The following CADPS variants were observed in gnomAD, a reference collection of about 807,000 sequenced individuals.
CADPS encodes calcium dependent secretion activator, also known as calcium-dependent secretion activator 1.
A neutral mutation model predicts 167.3 loss-of-function variants in CADPS; 57 were observed. That is an observed-to-expected ratio of 0.34 (90% CI 0.28 to 0.42). CADPS has a LOEUF of 0.42. CADPS is among the 20% of genes least tolerant of loss of function. The pLI, the probability that CADPS is intolerant of heterozygous loss-of-function variation, is 1.00. For synonymous variants in CADPS, 676 were observed against 635.3 expected (o/e 1.06, Z -0.96); for missense variants, 1,414 against 1,738.1 (o/e 0.81, Z 3.32).
intron 1 of CADPS, among the ~76,000 whole-genome samples, chr3:62,827,605 A>T (rs1030385185): frequency 4.0e-5 from 6 of 149,512 alleles, no homozygotes; most frequent in Non-Finnish European, 9.0e-5. Flanking sequence ...CCAAGCCTAG[A>T]TTTCTAAGAC....
At chr3:62,628,968 C>A (rs1012724535) in intron 6 of CADPS, among the ~76,000 whole-genome samples, 2 of 152,044 alleles carry the variant, frequency 1.3e-5, no homozygotes, top group Non-Finnish European at 2.9e-5. Context: ...ATCTATTTTT[C>A]TTCACTGTCA....
chr3:62,665,938 G>A (rs1452234941), intron 3 of CADPS, among the ~76,000 whole-genome samples: 2 of 152,186 alleles, frequency 1.3e-5, no homozygotes, highest in African/African-American at 4.8e-5. Context: ...CATGAATGGT[G>A]GCTGCTGCTC....
rs1050976210 is a variant in CADPS, at chr3:62,455,391, T to G, written c.3637-9594A>C. The stretch of plus-strand genomic sequence containing the variant: ...TGGTGGGCGTGAAATTCTCATTGCT[T>G]ACAGATGAGGAAACTGAGGCTCAGA... On this transcript the variant is annotated intron_variant, in intron 26 of 29. Coordinates refer to ENST00000383710, the MANE Select transcript of CADPS (RefSeq NM_003716.4). The surrounding 1 kb of genome is among the most constrained non-coding windows in gnomAD (Gnocchi z 4.4). Among the ~76,000 whole-genome samples the G allele has an allele frequency of 6.6e-6, 1 of 152,082 alleles. No individual in the cohort carries two copies. The highest frequency in any genetic ancestry group is 2.4e-5 in the African/African-American group (1 of 41,418).
chr3:62,479,562 T>C (rs1211859746), intron 22 of CADPS, among the ~76,000 whole-genome samples: 1 of 152,254 alleles, frequency 6.6e-6, no homozygotes, highest in Non-Finnish European at 1.5e-5. Flanking sequence ...ACACAGCTAC[T>C]GCAGGGCGGG....
intron 27 of CADPS, among the ~76,000 whole-genome samples, chr3:62,445,217 AATT>A (rs1462148317): frequency 6.6e-6 from 1 of 152,180 alleles, no homozygotes; most frequent in Non-Finnish European, 1.5e-5. Flanking sequence ...GCCTGCACTA[AATT>A]ATAAGCAGTT....
intron 21 of CADPS, among the ~76,000 whole-genome samples, chr3:62,487,611 C>A (rs1187889471): frequency 6.6e-6 from 1 of 152,212 alleles, no homozygotes; most frequent in African/African-American, 2.4e-5. Flanking sequence ...TTAACGGAAA[C>A]AGAGATGTAG....
rs1409795515 is a variant in CADPS, at chr3:62,544,007, G to T, written c.1966+5896C>A. ...TGTCAAAAAAGTTATTGTTGTCATT[G>T]TTCTTGGGGGAGTAGCAGAATGACA... is the stretch of plus-strand genomic sequence containing the variant. On this transcript the variant is annotated intron_variant, in intron 11 of 29. Transcript: ENST00000383710. The surrounding 1 kb of genome is among the most constrained non-coding windows in gnomAD (Gnocchi z 4.4). Among the ~76,000 whole-genome samples, 37 of 151,956 alleles carry T rather than the reference G, an allele frequency of 2.4e-4. No individual in the cohort carries two copies. The highest frequency in any genetic ancestry group is 2.9e-5 in the Non-Finnish European group (2 of 67,972).
At chr3:62,513,031 A>T (rs1486992983) in intron 16 of CADPS, among the ~76,000 whole-genome samples, 1 of 152,172 alleles carries the variant, frequency 6.6e-6, no homozygotes, top group Non-Finnish European at 1.5e-5. Context: ...AACATACATG[A>T]ACTCTCCAAG....
chr3:62,451,838 C>T (rs2058096228), intron 26 of CADPS, among the ~76,000 whole-genome samples: 1 of 152,124 alleles, frequency 6.6e-6, no homozygotes, highest in Admixed American at 6.5e-5. Context: ...TTTCCACTTC[C>T]CTAACCCAAG....
At chr3:62,780,727 A>C (rs1347742249) in intron 1 of CADPS, among the ~76,000 whole-genome samples, 1 of 152,162 alleles carries the variant, frequency 6.6e-6, no homozygotes, top group Non-Finnish European at 1.5e-5. Context: ...ATAACTCAGC[A>C]AACTTATTTT....
rs371505343 is a variant in CADPS at position 62,536,499 on chromosome 3, C to G, written c.2049G>C (p.Glu683Asp). 19 of 1,613,290 alleles carry G rather than the reference C, an allele frequency of 1.2e-5. No individual in the cohort carries two copies. Among genetic ancestry groups the G allele is most frequent in the Non-Finnish European group, 1.6e-5 (19 of 1,179,474 alleles). ...GATCCAAAGTAAGGCGTTGTACCATCTCAAAGAGGGAAGCGTGGTCAAAGT... is the reference window on the plus strand; with the variant it reads ...GATCCAAAGTAAGGCGTTGTACCATGTCAAAGAGGGAAGCGTGGTCAAAGT... ...PCNFDHASLF[E>D]MVQRLTLDHR... Residue 683 changes from glutamate to aspartate, a missense_variant, in exon 12 of 30, where the codon GAG (glutamate) becomes GAC (aspartate). Glu to Asp is a conservative substitution (Grantham distance 45). This residue lies in a region of CADPS where 529 missense variants were observed against 629.6 expected (regional missense o/e 0.84). Transcript: ENST00000383710.
intron 1 of CADPS, among the ~76,000 whole-genome samples, chr3:62,810,823 C>A (rs1411445863): frequency 6.6e-6 from 1 of 152,170 alleles, no homozygotes; most frequent in Non-Finnish European, 1.5e-5. Context: ...CCCATTAGGG[C>A]GATTGTGAGG....
At chr3:62,463,128 G>T (rs372031342) in intron 26 of CADPS, among the ~76,000 whole-genome samples, 6 of 152,320 alleles carry the variant, frequency 3.9e-5, no homozygotes, top group Non-Finnish European at 5.9e-5. Context: ...GGGAATTTCA[G>T]TTTGAACACT....
chr3:62,717,805 G>T (rs1405016419), intron 3 of CADPS, among the ~76,000 whole-genome samples: 1 of 152,096 alleles, frequency 6.6e-6, no homozygotes, highest in Non-Finnish European at 1.5e-5. Flanking sequence ...GTGTCCTGTT[G>T]CATCCAAACT....
chr3:62,659,827 G>A (rs549876391), intron 4 of CADPS, among the ~76,000 whole-genome samples: 5 of 152,286 alleles, frequency 3.3e-5, no homozygotes, highest in South Asian at 2.1e-4. Context: ...TGGCATGAAC[G>A]AACATTGCAG....
intron 6 of CADPS, chr3:62,625,618 T>C (rs2063928496): frequency 6.6e-6 from 1 of 150,820 alleles, no homozygotes; most frequent in East Asian, 1.9e-4. Context: ...GATTTCTTTC[T>C]TTTCTCTTCC....
intron 1 of CADPS, among the ~76,000 whole-genome samples, chr3:62,871,755 T>C (rs1004764796): frequency 6.6e-6 from 1 of 152,144 alleles, no homozygotes; most frequent in Non-Finnish European, 1.5e-5. Context: ...ACTACAGACT[T>C]TAGTTAATAA....
chr3:62,741,615 A>C (rs879090844), intron 3 of CADPS, among the ~76,000 whole-genome samples: 1 of 152,192 alleles, frequency 6.6e-6, no homozygotes, highest in South Asian at 2.1e-4. Flanking sequence ...GTATTGAAGG[A>C]ACATACCTCA....
intron 28 of CADPS, among the ~76,000 whole-genome samples, chr3:62,422,861 T>C (rs961705164): frequency 2.0e-5 from 3 of 152,210 alleles, no homozygotes; most frequent in African/African-American, 7.2e-5. Context: ...ATCTTGAGCA[T>C]TGTTATTTAA....
Sources: gnomAD v4.1 joint callset for allele counts (sites outside exome capture counted in the v4.1 genomes callset) on GRCh38, gnomAD v4.1.1 for gene constraint, gnomAD v4.1.1 regional missense constraint, Gnocchi (gnomAD v3.1) non-coding constraint, MANE v1.5 for transcripts, NCBI Gene and HGNC (gene_info 2026-07-23, HGNC 2026-07-21) for gene names.